QSER1: variants seen among roughly 807,000 people sequenced by gnomAD.
The protein encoded by QSER1 is glutamine and serine-rich protein 1.
In QSER1, 49 loss-of-function variants were observed where a neutral mutation model predicts 158.5. That is an observed-to-expected ratio of 0.31 (90% CI 0.25 to 0.39). The LOEUF (loss-of-function observed/expected upper bound fraction) is 0.39. QSER1 is among the 10% of genes least tolerant of loss of function. The pLI, the probability that QSER1 is intolerant of heterozygous loss-of-function variation, is 1.00. For missense variants in QSER1, 1,754 were observed against 2,010.3 expected (o/e 0.87, Z 2.44); for synonymous variants, 650 against 715.5 (o/e 0.91, Z 1.46).
chr11:32,957,924 A>G lies in QSER1; in HGVS notation c.4807A>G (p.Lys1603Glu). The G allele has an allele frequency of 1.2e-6, 2 of 1,614,188 alleles. No homozygotes were observed. Among genetic ancestry groups the G allele is most frequent in the Non-Finnish European group, 1.7e-6 (2 of 1,180,012 alleles). The change falls in exon 8 of 13, where the codon AAA becomes GAA. Residue 1603 changes from lysine to glutamate, a missense_variant. Coordinates refer to ENST00000650167, the MANE Select transcript of QSER1 (RefSeq NM_001076786.3). ...TAAAACTTCTGATCCTCTAGCATCAAAAACTACAACTACAAAAGCCCCTTC... is the reference window on the plus strand; with the variant it reads ...TAAAACTTCTGATCCTCTAGCATCAGAAACTACAACTACAAAAGCCCCTTC... ...SSKTSDPLASKTTTTKAPSVK... is the reference protein window; with the variant it reads ...SSKTSDPLASETTTTKAPSVK...
intron 8 of QSER1, among the ~76,000 whole-genome samples, chr11:32,960,083 A>C (rs1177662687): frequency 6.6e-6 from 1 of 151,768 alleles, no homozygotes; most frequent in African/African-American, 2.4e-5. Flanking sequence ...TACTGTTTGT[A>C]AATGCTATTT....
In QSER1 at chr11:32,932,675, T is replaced by C; in HGVS notation, c.1417T>C (p.Tyr473His). ...TTTATCAGTTAGTCAGTCCCAAAAT[T>C]ACGGTTTAGTACAGCCACATAATGT... is the stretch of plus-strand genomic sequence containing the variant. ...SLLSVSQSQNYGLVQPHNVPS... is the reference protein window; with the variant it reads ...SLLSVSQSQNHGLVQPHNVPS... Residue 473 changes from tyrosine (Y) to histidine (H), a missense_variant, in exon 4 of 13, where the codon TAC becomes CAC. Coordinates refer to ENST00000650167, the MANE Select transcript of QSER1 (RefSeq NM_001076786.3). 2 of 1,614,132 alleles carry C rather than the reference T, an allele frequency of 1.2e-6. No homozygotes were observed. Among genetic ancestry groups the C allele is most frequent in the Non-Finnish European group, 1.7e-6 (2 of 1,180,012 alleles).
chr11:32,947,750 A>T (rs1251925443), intron 4 of QSER1, among the ~76,000 whole-genome samples: 1 of 152,160 alleles, frequency 6.6e-6, no homozygotes, highest in Non-Finnish European at 1.5e-5. Flanking sequence ...GTTTTCCATT[A>T]TGTTATATTA....
chr11:32,958,392 CTT>C (rs61443981), intron 8 of QSER1, among the ~76,000 whole-genome samples: 1 of 144,976 alleles, frequency 6.9e-6, no homozygotes, highest in African/African-American at 2.5e-5. Flanking sequence ...TAGTTCTAAA[CTT>C]TTTTTTTTTT....
chr11:32,956,136 A>G lies in QSER1; in HGVS notation c.4751+15A>G. ...CAAACTATCAGGTATTTGTTTTCTT[A>G]GGTGATATATTTGTGCATATATATA... On this transcript the variant is annotated intron_variant, in intron 7 of 12. Transcript: ENST00000650167. The G allele has an allele frequency of 6.2e-7, 1 of 1,601,626 alleles. No individual in the cohort carries two copies.
rs1354848322 is a variant in QSER1 at position 32,931,770 on chromosome 11, T to G, written c.512T>G (p.Leu171Arg). 6.2e-7 allele frequency: 1 copy of G among 1,607,388 alleles called. No homozygotes were observed. Among genetic ancestry groups the G allele is most frequent in the Non-Finnish European group, 8.5e-7 (1 of 1,177,094 alleles). The change falls in exon 4 of 13, where the codon CTG (leucine) becomes CGG (arginine). Residue 171 changes from leucine to arginine, a missense_variant. By Grantham distance (102) the Leu-to-Arg change is moderately radical. Transcript: ENST00000650167. ...ATGCATTCCTCAGCAGCAACTGAGC[T>G]GTTTGCTACTGGACCTTTGCCAAGC... ...TGMHSSAATE[L>R]FATGPLPSTG... is the part of the protein sequence containing the mutation.
intron 9 of QSER1, 36 bp from the exon 10 acceptor site, chr11:32,969,010 G>T: frequency 9.1e-7 from 1 of 1,096,996 alleles, no homozygotes; most frequent in South Asian, 1.6e-5. Flanking sequence ...AATATTTATT[G>T]ATAGTTTATC....
chr11:32,894,443 A>G (rs188461784), intron 1 of QSER1, among the ~76,000 whole-genome samples: 22 of 152,224 alleles, frequency 1.4e-4, no homozygotes, highest in Non-Finnish European at 2.8e-4. Context: ...CTCAGCTACC[A>G]ACAGGAAGCT....
chr11:32,895,659 T>C (rs557984317), intron 1 of QSER1, among the ~76,000 whole-genome samples: 14 of 152,334 alleles, frequency 9.2e-5, no homozygotes, highest in South Asian at 4.1e-4. Context: ...TGGATACTTA[T>C]CCATAAAGAA....
chr11:32,898,523 CACACACAT>C (rs1447612115), intron 1 of QSER1, among the ~76,000 whole-genome samples: 2 of 138,634 alleles, frequency 1.4e-5, no homozygotes, highest in East Asian at 4.1e-4. Flanking sequence ...CACACACACA[CACACACAT>C]TGTAATGTGC....
At chr11:32,896,412 C>T (rs796371730) in intron 1 of QSER1, among the ~76,000 whole-genome samples, 21 of 152,160 alleles carry the variant, frequency 1.4e-4, no homozygotes, top group South Asian at 4.1e-4. Flanking sequence ...TGGAGTGCAA[C>T]GGCGTGATCT....
At chr11:32,963,465 C>T (rs1852666048) in intron 8 of QSER1, among the ~76,000 whole-genome samples, 1 of 152,144 alleles carries the variant, frequency 6.6e-6, no homozygotes. Flanking sequence ...GATTCTCCTG[C>T]CTCAGCCTCC....
At chr11:32,972,680 C>T (rs1462887609) in intron 10 of QSER1, among the ~76,000 whole-genome samples, 1 of 152,046 alleles carries the variant, frequency 6.6e-6, no homozygotes, top group African/African-American at 2.4e-5. Context: ...AAGTAATTTG[C>T]CCACCTTGGC....
chr11:32,958,187 G>C (rs1852558129), intron 8 of QSER1, 101 bp downstream of exon 8: 3 of 934,156 alleles, frequency 3.2e-6, no homozygotes, highest in Non-Finnish European at 4.8e-6. Context: ...ACTTTTCAGG[G>C]AATTTATCTA....
At position 32,915,562 on chromosome 11, in the gene QSER1, C is replaced by T. The variant is rs887720649; in HGVS notation, c.210-11595C>T. ...ACATAAATGTACCTATATTCAAAGA[C>T]GAGTCTATACTGGTCCAAACGTGGA... On this transcript the variant is annotated intron_variant, in intron 1 of 12. Coordinates refer to ENST00000650167, the MANE Select transcript of QSER1 (RefSeq NM_001076786.3). Among the ~76,000 whole-genome samples the T allele has an allele frequency of 1.2e-4, 18 of 152,260 alleles. 1 individual carries two copies. In the South Asian group the frequency reaches 3.1e-3, roughly 26 times the overall value.
In QSER1 at chr11:32,933,616, T is replaced by C. The variant is rs1207833266; in HGVS notation, c.2358T>C (p.Leu786=). 5.0e-6 allele frequency: 8 copies of C among 1,613,864 alleles called. No individual in the cohort carries two copies. Among genetic ancestry groups the C allele is most frequent in the Non-Finnish European group, 8.5e-7 (1 of 1,179,960 alleles). The change falls in exon 4 of 13, where the codon CTT becomes CTC. Residue 786 remains leucine (L), a synonymous_variant. Transcript: ENST00000650167. ...GQVNNAATLD[L]KNSTNLIQTP... is the part of the protein sequence containing the mutation. ...TCAATAATGCAGCTACCCTTGATCT[T>C]AAGAACTCAACTAATTTAATACAGA...
intron 1 of QSER1, among the ~76,000 whole-genome samples, chr11:32,925,408 C>G (rs539903777): frequency 5.9e-4 from 90 of 152,148 alleles, no homozygotes; most frequent in African/African-American, 2.1e-3. Flanking sequence ...TCCACTGAAC[C>G]CACCTAGAAT....
rs1590167569 is a variant in QSER1 at position 32,934,506 on chromosome 11, T to C, written c.3248T>C (p.Ile1083Thr). Residue 1083 changes from isoleucine (I) to threonine (T), a missense_variant, in exon 4 of 13, where the codon ATA (isoleucine) becomes ACA (threonine). Ile to Thr is a moderately conservative substitution (Grantham distance 89). Coordinates refer to ENST00000650167, the MANE Select transcript of QSER1 (RefSeq NM_001076786.3). Reference protein sequence around the residue: ...QQHIETPGQNIPTKVTSAVVG... With the variant: ...QQHIETPGQNTPTKVTSAVVG... ...CACATTGAAACACCTGGTCAAAATATACCAACTAAAGTAACTTCAGCAGTG... is the reference window on the plus strand; with the variant it reads ...CACATTGAAACACCTGGTCAAAATACACCAACTAAAGTAACTTCAGCAGTG... The C allele has an allele frequency of 6.2e-7, 1 of 1,613,646 alleles. No homozygotes were observed. The highest frequency in any genetic ancestry group is 8.5e-7 in the Non-Finnish European group (1 of 1,179,986).
chr11:32,964,347 C>G (rs558242640), intron 8 of QSER1, among the ~76,000 whole-genome samples: 1 of 152,124 alleles, frequency 6.6e-6, no homozygotes, highest in Non-Finnish European at 1.5e-5. Flanking sequence ...CAAAGTCATG[C>G]AAAGTATATT....
Sources: allele counts gnomAD v4.1 joint callset (sites outside exome capture counted in the v4.1 genomes callset), GRCh38; gene constraint gnomAD v4.1.1; transcripts MANE v1.5; gene names NCBI Gene and HGNC (gene_info 2026-07-23, HGNC 2026-07-21).